Variants in CD99L2 observed in about 807,000 individuals in gnomAD.
CD99L2 encodes CD99 antigen-like protein 2.
CD99L2 carries 24 observed loss-of-function variants against 27.3 expected under a neutral mutation model. The ratio of observed to expected loss-of-function variants is 0.88; its 90% CI spans 0.64 to 1.24. The LOEUF (loss-of-function observed/expected upper bound fraction) is 1.24. CD99L2 is among the 50% of genes most tolerant of loss of function. The pLI, the probability that CD99L2 is intolerant of heterozygous loss-of-function variation, is 0.00. For missense variants in CD99L2, 255 were observed against 221.6 expected (o/e 1.15, Z -0.96); for synonymous variants, 97 against 87.9 (o/e 1.10, Z -0.58).
At chrX:150,823,338 T>G (rs2046268519) in intron 2 of CD99L2, among the ~76,000 whole-genome samples, 1 of 111,895 alleles carries the variant, frequency 8.9e-6, no homozygotes, top group Non-Finnish European at 1.9e-5. Flanking sequence ...CAGGCTGGAG[T>G]GCAGTGGTGC....
intron 10 of CD99L2, among the ~76,000 whole-genome samples, chrX:150,769,706 A>G (rs1603282359): frequency 1.3e-5 from 1 of 77,866 alleles, no homozygotes; most frequent in African/African-American, 1.7e-4. Flanking sequence ...CTGCTCCCCG[A>G]CCCCAGCAAG....
chrX:150,830,795 ATTTCT>A (rs782296915), intron 2 of CD99L2, among the ~76,000 whole-genome samples: 123 of 110,431 alleles, frequency 1.1e-3, no homozygotes, highest in African/African-American at 2.1e-3. Context: ...TAATACAACC[ATTTCT>A]TTTCTTTTCT....
intron 7 of CD99L2, among the ~76,000 whole-genome samples, chrX:150,778,523 ACT>A (rs1328972143): frequency 3.8e-5 from 4 of 105,936 alleles, no homozygotes; most frequent in Non-Finnish European, 7.7e-5. Context: ...AAACATGAGA[ACT>A]CTCTGTACCT....
intron 1 of CD99L2, among the ~76,000 whole-genome samples, chrX:150,864,956 C>G (rs781847111): frequency 9.1e-6 from 1 of 109,511 alleles, no homozygotes; most frequent in African/African-American, 3.3e-5. Flanking sequence ...GTCCCAGCTA[C>G]TGGAAAAGCA....
At chrX:150,829,185 T>C (rs1219791714) in intron 2 of CD99L2, 9 of 139,463 alleles carry the variant, frequency 6.5e-5, no homozygotes, top group Admixed American at 4.8e-4. Flanking sequence ...TGTATATATA[T>C]ATGCGCACAT....
At chrX:150,787,253 C>T (rs782590425) in intron 7 of CD99L2, among the ~76,000 whole-genome samples, 2 of 111,812 alleles carry the variant, frequency 1.8e-5, no homozygotes, top group South Asian at 3.7e-4. Context: ...GTTTTTGTTG[C>T]AATTGTTTTT....
At chrX:150,777,257 G>A in intron 8 of CD99L2, 187 bp downstream of exon 8, 1 of 492,262 alleles carries the variant, frequency 2.0e-6, no homozygotes, top group Non-Finnish European at 3.4e-6. Flanking sequence ...TTCTTTGTAG[G>A]CAAATTGTGA....
chrX:150,855,484 G>C (rs1557421712), intron 1 of CD99L2, among the ~76,000 whole-genome samples: 1 of 111,162 alleles, frequency 9.0e-6, no homozygotes, highest in Non-Finnish European at 1.9e-5. Flanking sequence ...GACTGTGAGG[G>C]GGGAAGTGCC....
chrX:150,891,748 C>T (rs1422758289), intron 1 of CD99L2, among the ~76,000 whole-genome samples: 1 of 111,577 alleles, frequency 9.0e-6, no homozygotes, highest in African/African-American at 3.3e-5. Context: ...TTTTCCAGCC[C>T]GTTCTTGATA....
At chrX:150,803,232 C>A (rs73609545) in intron 4 of CD99L2, among the ~76,000 whole-genome samples, 31,596 of 110,314 alleles carry the variant, frequency 0.29, 3,613 homozygotes, top group African/African-American at 0.43. Context: ...AAACATGTAC[C>A]GGATCCTCTA....
In CD99L2 at chrX:150,768,775, G is replaced by T; in HGVS notation, c.*259C>A. ...TGGAGGCAGGCTGGCTTTGGGAGTT[G>T]GTGGCTCAGCAGCTCCCGAGGCTGG... On this transcript the variant is annotated 3_prime_UTR_variant, in exon 11 of 11. Coordinates refer to ENST00000370377, the MANE Select transcript of CD99L2 (RefSeq NM_031462.4). 3 of 579,350 alleles carry T rather than the reference G, an allele frequency of 5.2e-6. No individual in the cohort carries two copies. The highest frequency in any genetic ancestry group is 4.8e-6 in the Non-Finnish European group (2 of 420,924). 47.7% of individuals were successfully genotyped at this position (579,350 alleles called of 1,213,427 possible).
At chrX:150,793,022 A>G (rs1310222857) in intron 7 of CD99L2, among the ~76,000 whole-genome samples, 1 of 111,746 alleles carries the variant, frequency 8.9e-6, no homozygotes, top group Non-Finnish European at 1.9e-5. Context: ...ACTCAAATCT[A>G]CACACATAAC....
At chrX:150,824,092 AGAAGAAGGAAGAAGGAAGAAGGAAGAAG>A (rs201141503) in intron 2 of CD99L2, among the ~76,000 whole-genome samples, 8 of 70,810 alleles carry the variant, frequency 1.1e-4, no homozygotes, top group South Asian at 8.6e-4. Context: ...AGAAGAAGAA[AGAAGAAGGAAGAAGGAAGAAGGAAGAAG>A]GAAGGAGGAG....
chrX:150,873,284 T>C (rs1188729529), intron 1 of CD99L2, among the ~76,000 whole-genome samples: 2 of 111,947 alleles, frequency 1.8e-5, no homozygotes, highest in East Asian at 2.8e-4. Context: ...CTTGAAAACA[T>C]GATGCTAAGT....
chrX:150,857,135 C>G (rs2046903163), intron 1 of CD99L2, among the ~76,000 whole-genome samples: 1 of 110,918 alleles, frequency 9.0e-6, no homozygotes, highest in African/African-American at 3.3e-5. Flanking sequence ...ATAAAGTGAC[C>G]AAATTTACAA....
intron 6 of CD99L2, among the ~76,000 whole-genome samples, chrX:150,794,135 C>G (rs1557419816): frequency 8.9e-6 from 1 of 111,966 alleles, no homozygotes; most frequent in Admixed American, 9.5e-5. Context: ...AAAGCAGGTT[C>G]AGGCCTTCTC....
rs782001657 is a variant in CD99L2, at chrX:150,771,795, G to A, written c.656-1426C>T. The A allele has an allele frequency of 5.2e-6, 6 of 1,154,142 alleles. No individual in the cohort carries two copies. The Admixed American group carries it at 7.8e-5, about 15-fold the overall frequency. ...GCAAAAGGAAAGTGAGGAAGGCAAAGCAGCGTTACCTTGACCTGCTGCTGC... is the reference window on the plus strand; with the variant it reads ...GCAAAAGGAAAGTGAGGAAGGCAAAACAGCGTTACCTTGACCTGCTGCTGC... On this transcript the variant is annotated intron_variant, in intron 9 of 10. Coordinates refer to ENST00000370377, the MANE Select transcript of CD99L2 (RefSeq NM_031462.4).
At chrX:150,827,291 G>A (rs1425296912) in intron 2 of CD99L2, among the ~76,000 whole-genome samples, 2 of 110,855 alleles carry the variant, frequency 1.8e-5, no homozygotes, top group East Asian at 2.9e-4. Context: ...CCTCAGTTAC[G>A]AGAAACATAA....
chrX:150,796,800 T>C (rs1183385509), intron 4 of CD99L2, among the ~76,000 whole-genome samples: 2 of 112,382 alleles, frequency 1.8e-5, no homozygotes, highest in Non-Finnish European at 3.8e-5. Flanking sequence ...AGAGGTATCA[T>C]TGATTATACT....
Sources: allele counts gnomAD v4.1 joint callset (sites outside exome capture counted in the v4.1 genomes callset), GRCh38; gene constraint gnomAD v4.1.1; transcripts MANE v1.5; gene names NCBI Gene and HGNC (gene_info 2026-07-23, HGNC 2026-07-21).